KDM4C: variants seen among roughly 807,000 people sequenced by gnomAD.
KDM4C encodes the protein lysine demethylase 4C.
Under a neutral mutation model 129.3 loss-of-function variants are expected in KDM4C, and 81 were observed. The observed-to-expected ratio is 0.63, with a 90% CI of 0.52 to 0.75. The LOEUF is 0.75. KDM4C is among the 30% of genes least tolerant of loss of function. The pLI is 0.00. For synonymous variants in KDM4C, 573 were observed against 456.1 expected (o/e 1.26, Z -3.26); for missense variants, 1,457 against 1,304.0 (o/e 1.12, Z -1.81).
intron 4 of KDM4C, among the ~76,000 whole-genome samples, chr9:6,818,110 G>A (rs971046509): frequency 2.0e-5 from 3 of 152,116 alleles, no homozygotes; most frequent in Non-Finnish European, 2.9e-5. Flanking sequence ...TCTGTTTTAT[G>A]TGAGTGTATG....
intron 8 of KDM4C, among the ~76,000 whole-genome samples, chr9:6,924,064 T>C (rs1228078838): frequency 2.0e-5 from 3 of 152,226 alleles, no homozygotes; most frequent in Non-Finnish European, 4.4e-5. Flanking sequence ...GTTTACTTCT[T>C]ATAAAGCTCA....
chr9:7,053,037 G>C (rs1287096428), intron 17 of KDM4C, among the ~76,000 whole-genome samples: 1 of 152,052 alleles, frequency 6.6e-6, no homozygotes, highest in Non-Finnish European at 1.5e-5. Context: ...TGTCCCTTGG[G>C]GCAAGTTAGA....
chr9:6,937,732 G>T (rs1825079599), intron 8 of KDM4C, among the ~76,000 whole-genome samples: 1 of 151,890 alleles, frequency 6.6e-6, no homozygotes, highest in East Asian at 1.9e-4. Context: ...AATTTTTTCA[G>T]ACAGAGTCTT....
At chr9:7,073,632 C>G (rs2093546101) in intron 17 of KDM4C, among the ~76,000 whole-genome samples, 1 of 152,194 alleles carries the variant, frequency 6.6e-6, no homozygotes, top group Non-Finnish European at 1.5e-5. Context: ...CTTTTCATTT[C>G]AGAGTACTTT....
intron 2 of KDM4C, among the ~76,000 whole-genome samples, chr9:6,804,437 A>G (rs865897086): frequency 1.3e-4 from 20 of 152,322 alleles, no homozygotes; most frequent in Non-Finnish European, 2.2e-4. Context: ...CCGCTGTGCT[A>G]TCGCCATATT....
intron 8 of KDM4C, among the ~76,000 whole-genome samples, chr9:6,918,409 T>C (rs879751125): frequency 2.0e-5 from 3 of 152,246 alleles, no homozygotes; most frequent in Admixed American, 6.5e-5. Flanking sequence ...ATTTTCTTCA[T>C]CCAGTCTACT....
Position 7,069,071 on chromosome 9 carries a change from C to T in KDM4C, c.2424+19871C>T, listed in dbSNP as rs73639963. Among the ~76,000 whole-genome samples, 294 of 152,256 alleles carry T rather than the reference C, an allele frequency of 1.9e-3. 2 individuals are homozygous for T. Among genetic ancestry groups the T allele is most frequent in the African/African-American group, 6.9e-3 (285 of 41,540 alleles). ...AGTGGAGCATTCGTAGAATCAAAAT[C>T]ACCATAATAGTAGCTTTTAACATTG... On this transcript the variant is annotated intron_variant, in intron 17 of 21. Transcript: ENST00000381309.
rs542413601 is a variant in KDM4C at position 7,087,780 on chromosome 9, A to G, written c.2425-15905A>G. On this transcript the variant is annotated intron_variant, in intron 17 of 21. Coordinates refer to ENST00000381309, the MANE Select transcript of KDM4C (RefSeq NM_015061.6). Reference sequence around the variant, plus strand: ...TATCAAATGACAATGGTATTTAGAGATACATGTTTTATTTCTAAATGTCAA... The same window carrying G: ...TATCAAATGACAATGGTATTTAGAGGTACATGTTTTATTTCTAAATGTCAA... Among the ~76,000 whole-genome samples, 52 of 152,324 alleles carry G rather than the reference A, an allele frequency of 3.4e-4. No homozygotes were observed. The South Asian group carries it at 3.5e-3, about 10-fold the overall frequency.
chr9:7,086,435 T>C (rs1587547345), intron 17 of KDM4C, among the ~76,000 whole-genome samples: 1 of 152,236 alleles, frequency 6.6e-6, no homozygotes, highest in East Asian at 1.9e-4. Context: ...GCTGTGTTTC[T>C]CAATGGGATC....
chr9:6,954,978 C>T (rs1434319336), intron 8 of KDM4C, among the ~76,000 whole-genome samples: 1 of 152,180 alleles, frequency 6.6e-6, no homozygotes, highest in African/African-American at 2.4e-5. Context: ...CAGGGACTTT[C>T]TGTTGGAAGA....
intron 5 of KDM4C, among the ~76,000 whole-genome samples, chr9:6,873,543 G>A (rs1057466175): frequency 2.6e-5 from 4 of 152,164 alleles, no homozygotes; most frequent in Admixed American, 6.5e-5. Context: ...TTCCTGAAAC[G>A]TCATGGTGCT....
chr9:6,828,660 T>A (rs983578434), intron 4 of KDM4C, among the ~76,000 whole-genome samples: 4 of 144,366 alleles, frequency 2.8e-5, no homozygotes, highest in Non-Finnish European at 5.9e-5. Context: ...CACCTGAGGT[T>A]GGGAGTTCGA....
Position 6,921,739 on chromosome 9 carries a change from A to G in KDM4C, c.921+28507A>G, listed in dbSNP as rs142798181. 5.9e-5 allele frequency among the ~76,000 whole-genome samples: 9 copies of G among 152,202 alleles called. No homozygotes were observed. The East Asian group carries it at 9.7e-4, about 16-fold the overall frequency. ...CATCTCGCTTCCATTAAAATTTAATATGCTTACCATGGTGAGCAAATGCTA... is the reference window on the plus strand; with the variant it reads ...CATCTCGCTTCCATTAAAATTTAATGTGCTTACCATGGTGAGCAAATGCTA... On this transcript the variant is annotated intron_variant, in intron 8 of 21. Coordinates refer to ENST00000381309, the MANE Select transcript of KDM4C (RefSeq NM_015061.6).
In KDM4C at chr9:7,103,784, C is replaced by T; in HGVS notation, c.2524C>T (p.His842Tyr). The T allele has an allele frequency of 1.9e-6, 3 of 1,613,968 alleles. No individual in the cohort carries two copies. Among genetic ancestry groups the T allele is most frequent in the Non-Finnish European group, 2.5e-6 (3 of 1,179,920 alleles). ...GGCCTCCTTCCATGTCACTTGTGCC[C>T]ATGCTGCTGGGGTACTGATGGAGCC... ...CPASFHVTCA[H>Y]AAGVLMEPDD... Residue 842 changes from histidine to tyrosine, a missense_variant, in exon 18 of 22, where the codon CAT (histidine) becomes TAT (tyrosine). By Grantham distance (83) the His-to-Tyr change is moderately conservative. Transcript: ENST00000381309.
At chr9:6,836,209 T>C in intron 4 of KDM4C, among the ~76,000 whole-genome samples, 1 of 152,046 alleles carries the variant, frequency 6.6e-6, no homozygotes, top group East Asian at 1.9e-4. Flanking sequence ...CCCAACACTT[T>C]GGGAGGCTGA....
chr9:7,131,051 G>A (rs1173697780), intron 19 of KDM4C, among the ~76,000 whole-genome samples: 1 of 151,038 alleles, frequency 6.6e-6, no homozygotes, highest in Non-Finnish European at 1.5e-5. Flanking sequence ...TTACAGTTGT[G>A]AGCCACTGCC....
At chr9:7,010,751 TA>T (rs1822526018) in intron 12 of KDM4C, among the ~76,000 whole-genome samples, 1 of 152,172 alleles carries the variant, frequency 6.6e-6, no homozygotes, top group African/African-American at 2.4e-5. Context: ...AGTAAAGAAA[TA>T]TACATTTTAG....
chr9:6,869,743 A>T (rs1376782400), intron 5 of KDM4C, among the ~76,000 whole-genome samples: 1 of 152,138 alleles, frequency 6.6e-6, no homozygotes, highest in Non-Finnish European at 1.5e-5. Flanking sequence ...GGGGGAGGGA[A>T]CCTGAACTCA....
intron 5 of KDM4C, among the ~76,000 whole-genome samples, chr9:6,861,889 A>G (rs1417044644): frequency 6.6e-6 from 1 of 150,764 alleles, no homozygotes; most frequent in African/African-American, 2.4e-5. Context: ...CTCCTGCCTC[A>G]GCCTTCCGAG....
Sources: allele counts gnomAD v4.1 joint callset (sites outside exome capture counted in the v4.1 genomes callset), GRCh38; gene constraint gnomAD v4.1.1; transcripts MANE v1.5; gene names NCBI Gene and HGNC (gene_info 2026-07-23, HGNC 2026-07-21).